The following UBA7 variants were observed in gnomAD, a reference collection of about 807,000 sequenced individuals.
UBA7 encodes the protein ubiquitin-like modifier-activating enzyme 7.
A neutral mutation model predicts 113.0 loss-of-function variants in UBA7; 88 were observed. The ratio of observed to expected loss-of-function variants is 0.78; its 90% CI spans 0.66 to 0.93. The LOEUF (loss-of-function observed/expected upper bound fraction) is 0.93. UBA7 is among the 40% of genes least tolerant of loss of function. The pLI is 0.00. For missense variants in UBA7, 1,092 were observed against 1,266.4 expected, an observed-to-expected ratio of 0.86 and a Z score of 2.09; for synonymous variants, 459 against 513.0, an observed-to-expected ratio of 0.89 and a Z score of 1.42.
In UBA7 at chr3:49,807,790, A is replaced by T. The variant is rs767085492; in HGVS notation, c.2661T>A (p.His887Gln). Residue 887 changes from histidine to glutamine, a missense_variant, in exon 21 of 24, where the codon CAT becomes CAA. Physicochemically the swap from His to Gln is conservative, Grantham distance 24 (BLOSUM62 0). Around this residue, in one of 3 missense-constraint regions of UBA7, gnomAD observed 500 missense variants for 529.3 expected, o/e 0.94. Transcript: ENST00000333486. This position sits in a 1 kb window ranked among gnomAD's most constrained non-coding sequence, Gnocchi z 4.0. ...PRSAFRHSYL[H>Q]LAENYLIRYM... Reference sequence around the variant, plus strand: ...AGCGGATGAGGTAGTTTTCAGCCAGATGTAGGTAGCTGTGGCGAAAGGCAC... The same window carrying T: ...AGCGGATGAGGTAGTTTTCAGCCAGTTGTAGGTAGCTGTGGCGAAAGGCAC... 6.2e-7 allele frequency: 1 copy of T among 1,613,982 alleles called. No individual in the cohort carries two copies. The highest frequency in any genetic ancestry group is 1.1e-5 in the South Asian group (1 of 91,058).
At position 49,811,007 on chromosome 3, in the gene UBA7, G is replaced by C. The variant is rs2081535815; in HGVS notation, c.1207C>G (p.Pro403Ala). The C allele has an allele frequency of 6.2e-7, 1 of 1,614,006 alleles. No homozygotes were observed. Among genetic ancestry groups the C allele is most frequent in the African/African-American group, 1.3e-5 (1 of 74,908 alleles). ...ACCAGGGCACAGTCCTCAGGACTGG[G>C]AAGGAGCTCCCCATCTTCCGGAAGA... Reference protein sequence around the residue: ...DCLPEDGELLPSPEDCALRGS... With the variant: ...DCLPEDGELLASPEDCALRGS... Residue 403 changes from proline (P) to alanine (A), a missense_variant, in exon 10 of 24, where the codon CCC becomes GCC. Coordinates refer to ENST00000333486, the MANE Select transcript of UBA7 (RefSeq NM_003335.3).
At position 49,812,148 on chromosome 3, in the gene UBA7, C is replaced by A. The variant is rs774469175; in HGVS notation, c.753G>T (p.Gly251=). ...TTTFSRYLRG[G]AITEVKRPKT... ...TGGGTCTCTTGACTTCAGTGATAGC[C>A]CCACCACGCAAGTACCGAGAGAAAG... The change falls in exon 7 of 24, where the codon GGG becomes GGT. Residue 251 remains glycine, a synonymous_variant. Transcript: ENST00000333486. 1.2e-6 allele frequency: 2 copies of A among 1,614,216 alleles called. No homozygotes were observed. The highest frequency in any genetic ancestry group is 1.7e-6 in the Non-Finnish European group (2 of 1,180,036).
chr3:49,811,978 C>T lies in UBA7; in HGVS notation c.831G>A (p.Val277=). ...LDTALLQPHV[V]AQSSQEVHHA... ...GGTGAACTTCCTGGGAGCTCTGGGCCACCACATGGGGCTGGAGCAGGGCTG... is the reference window on the plus strand; with the variant it reads ...GGTGAACTTCCTGGGAGCTCTGGGCTACCACATGGGGCTGGAGCAGGGCTG... Residue 277 remains valine (V), a synonymous_variant, in exon 8 of 24, where the codon GTG becomes GTA. Transcript: ENST00000333486. 4.3e-6 allele frequency: 7 copies of T among 1,614,170 alleles called. No individual in the cohort carries two copies. In the Middle Eastern group the frequency reaches 4.9e-4, roughly 114 times the overall value.
At position 49,813,824 on chromosome 3, in the gene UBA7, C is replaced by T; in HGVS notation, c.-37G>A. On this transcript the variant is annotated 5_prime_UTR_variant, in exon 1 of 24. Transcript: ENST00000333486. Reference sequence around the variant, plus strand: ...GGGCTGAACAGTAGGCTGCAGCGCTCAGAGATAGGGTCTTTGTGTAGGTGG... The same window carrying T: ...GGGCTGAACAGTAGGCTGCAGCGCTTAGAGATAGGGTCTTTGTGTAGGTGG... 6.2e-7 allele frequency: 1 copy of T among 1,612,718 alleles called. No homozygotes were observed. Among genetic ancestry groups the T allele is most frequent in the South Asian group, 1.1e-5 (1 of 90,810 alleles).
Position 49,805,413 on chromosome 3 carries a change from C to T in UBA7, c.2934G>A (p.Leu978=). Residue 978 remains leucine (L), a synonymous_variant, in exon 24 of 24, where the codon CTG becomes CTA. Transcript: ENST00000333486. Reference sequence around the variant, plus strand: ...GCCCAGGAGCAGGTGCCTGGCCTGTCAGCTGCTGAACCAGTTCTGTCACCC... The same window carrying T: ...GCCCAGGAGCAGGTGCCTGGCCTGTTAGCTGCTGAACCAGTTCTGTCACCC... ...PLRVTELVQQ[L]TGQAPAPGQR... The T allele has an allele frequency of 1.2e-6, 2 of 1,612,032 alleles. No individual in the cohort carries two copies. The highest frequency in any genetic ancestry group is 1.7e-6 in the Non-Finnish European group (2 of 1,179,552).
chr3:49,806,027 G>T, intron 22 of UBA7, 30 bp from the exon 23 acceptor site: 1 of 1,568,822 alleles, frequency 6.4e-7, no homozygotes, highest in South Asian at 1.2e-5. Context: ...CACCAGCTGG[G>T]CCGGGCTGGG....
Position 49,810,260 on chromosome 3 carries a change from C to CA in UBA7, c.1633+2dup. 6.2e-7 allele frequency: 1 copy of CA among 1,613,762 alleles called. No individual in the cohort carries two copies. Among genetic ancestry groups the CA allele is most frequent in the Non-Finnish European group, 8.5e-7 (1 of 1,179,902 alleles). On this transcript the variant is annotated splice_region_variant and intron_variant, in intron 13 of 23. Coordinates refer to ENST00000333486, the MANE Select transcript of UBA7 (RefSeq NM_003335.3). The surrounding 1 kb of genome is among the most constrained non-coding windows in gnomAD (Gnocchi z 5.6). The stretch of plus-strand genomic sequence containing the variant: ...GGACTGACCTCCGAAGTCAAGCACT[C>CA]ACGGGCCTGGAAACTGTCCAGGGCA...
rs372873010 is a variant in UBA7, at chr3:49,811,005, G to A, written c.1209C>T (p.Pro403=). The A allele has an allele frequency of 7.7e-5, 124 of 1,614,136 alleles. No homozygotes were observed. The highest frequency in any genetic ancestry group is 9.8e-5 in the Non-Finnish European group (116 of 1,180,008). Residue 403 remains proline (P), a synonymous_variant, in exon 10 of 24, where the codon CCC becomes CCT. Transcript: ENST00000333486. ...DCLPEDGELL[P]SPEDCALRGS... ...TCACCAGGGCACAGTCCTCAGGACT[G>A]GGAAGGAGCTCCCCATCTTCCGGAA... is the stretch of plus-strand genomic sequence containing the variant.
Position 49,807,827 on chromosome 3 carries a change from G to A in UBA7, c.2624C>T (p.Pro875Leu), listed in dbSNP as rs748266061. ...GTGGCGAAAGGCACTACGAGGCCGTGGCCCACTCACCACCTTATACAGCTC... is the reference window on the plus strand; with the variant it reads ...GTGGCGAAAGGCACTACGAGGCCGTAGCCCACTCACCACCTTATACAGCTC... ...GLELYKVVSG[P>L]RPRSAFRHSY... is the part of the protein sequence containing the mutation. The change falls in exon 21 of 24, where the codon CCA becomes CTA. Residue 875 changes from proline (P) to leucine (L), a missense_variant. Around this residue, in one of 3 missense-constraint regions of UBA7, gnomAD observed 500 missense variants for 529.3 expected, o/e 0.94. Coordinates refer to ENST00000333486, the MANE Select transcript of UBA7 (RefSeq NM_003335.3). The surrounding 1 kb of genome is among the most constrained non-coding windows in gnomAD (Gnocchi z 4.0). 1.2e-6 allele frequency: 2 copies of A among 1,614,158 alleles called. No homozygotes were observed. Among genetic ancestry groups the A allele is most frequent in the Non-Finnish European group, 1.7e-6 (2 of 1,180,008 alleles).
At position 49,809,155 on chromosome 3, in the gene UBA7, G is replaced by A. The variant is rs2081501505; in HGVS notation, c.2168C>T (p.Thr723Ile). 16 of 1,609,574 alleles carry A rather than the reference G, an allele frequency of 9.9e-6. No homozygotes were observed. The highest frequency in any genetic ancestry group is 1.3e-5 in the Non-Finnish European group (15 of 1,177,746). Reference sequence around the variant, plus strand: ...AGCTGCCAGTACGTAGAGGAGGTGTGTGTCCTGCAGCCAGACCAAGAGCAG... The same window carrying A: ...AGCTGCCAGTACGTAGAGGAGGTGTATGTCCTGCAGCCAGACCAAGAGCAG... The part of the protein sequence containing the change: ...QPLEFDTNQD[T>I]HLLYVLAAAN... Residue 723 changes from threonine (T) to isoleucine (I), a missense_variant, in exon 18 of 24, where the codon ACA becomes ATA. Coordinates refer to ENST00000333486, the MANE Select transcript of UBA7 (RefSeq NM_003335.3).
At position 49,805,935 on chromosome 3, in the gene UBA7, T is replaced by C. The variant is rs777547309; in HGVS notation, c.2871A>G (p.Gly957=). 14 of 1,561,052 alleles carry C rather than the reference T, an allele frequency of 9.0e-6. No homozygotes were observed. The highest frequency in any genetic ancestry group is 1.2e-5 in the Non-Finnish European group (14 of 1,152,428). ...GCTGGGCCTGCTTTTCAGGTGACCA[T>C]CCGGCCGCATAGAGCAGGGCTGAGC... ...LHGSALLYAA[G]WSPEKQAQHL... Residue 957 remains glycine, a synonymous_variant, in exon 23 of 24, where the codon GGA becomes GGG. Coordinates refer to ENST00000333486, the MANE Select transcript of UBA7 (RefSeq NM_003335.3).
chr3:49,809,527 C>G lies in UBA7; in HGVS notation c.2088+15G>C, dbSNP rs2081507737. The G allele has an allele frequency of 6.2e-7, 1 of 1,613,992 alleles. No individual in the cohort carries two copies. The highest frequency in any genetic ancestry group is 8.5e-7 in the Non-Finnish European group (1 of 1,179,894). On this transcript the variant is annotated intron_variant, in intron 16 of 23. Transcript: ENST00000333486. ...TCCCCCTGAGCCCCCAGCGTCCCAA[C>G]CCCTAGCCACACACTTTATTAGGTG...
chr3:49,812,346 C>G, intron 6 of UBA7, 62 bp downstream of exon 6: 5 of 1,611,918 alleles, frequency 3.1e-6, no homozygotes, highest in Non-Finnish European at 4.2e-6. Flanking sequence ...AAGGGCCAGG[C>G]TGTGCTCACT....
chr3:49,809,091 T>C lies in UBA7; in HGVS notation c.2232A>G (p.Ser744=). 6.2e-7 allele frequency: 1 copy of C among 1,613,646 alleles called. No homozygotes were observed. The highest frequency in any genetic ancestry group is 1.1e-5 in the South Asian group (1 of 90,962). Residue 744 remains serine, a synonymous_variant, in exon 18 of 24, where the codon TCA becomes TCG. Transcript: ENST00000333486. ...GCTCCCTGAGTGCAGTCCAGTCCTG[T>C]GAGCCAGGCAGCCCATGCATCTGGG... ...LYAQMHGLPG[S]QDWTALRELL...
At chr3:49,805,502 A>C in intron 23 of UBA7, 65 bp from the exon 24 acceptor site, 2 of 1,507,384 alleles carry the variant, frequency 1.3e-6, no homozygotes, top group Non-Finnish European at 1.8e-6. Context: ...GCAGCCTGGC[A>C]TGGACTAGAG....
At position 49,805,550 on chromosome 3, in the gene UBA7, C is replaced by T. The variant is rs895820616; in HGVS notation, c.2910-113G>A. On this transcript the variant is annotated intron_variant, in intron 23 of 23. Transcript: ENST00000333486. ...GGCCGTCAGGAGCCCAAGCCAGGAG[C>T]AGGAGCTGCTCAAGACAGGAAACAT... The T allele has an allele frequency of 6.1e-6, 6 of 984,188 alleles. No homozygotes were observed. The African/African-American group carries it at 9.6e-5, about 16-fold the overall frequency. The allele number at this position is 984,188 out of a possible 1,614,324, so 61.0% of individuals were successfully genotyped here.
chr3:49,806,864 G>A (rs1404386911), intron 21 of UBA7, among the ~76,000 whole-genome samples: 2 of 152,062 alleles, frequency 1.3e-5, no homozygotes, highest in African/African-American at 2.4e-5. Flanking sequence ...GTGGACAAAG[G>A]CAGCCTGTAT....
Position 49,807,870 on chromosome 3 carries a change from C to A in UBA7, c.2581G>T (p.Ala861Ser). ...TACAGCTCCAGGCCCAACAGGCCTG[C>A]CACAGCTGCTGTAGTGGTGGCAATG... ...PAIATTTAAVAGLLGLELYKV... is the reference protein window; with the variant it reads ...PAIATTTAAVSGLLGLELYKV... Residue 861 changes from alanine to serine, a missense_variant, in exon 21 of 24, where the codon GCA becomes TCA. By Grantham distance (99) the Ala-to-Ser change is moderately conservative. Coordinates refer to ENST00000333486, the MANE Select transcript of UBA7 (RefSeq NM_003335.3). This position sits in a 1 kb window ranked among gnomAD's most constrained non-coding sequence, Gnocchi z 4.0. 6.2e-7 allele frequency: 1 copy of A among 1,613,772 alleles called. No homozygotes were observed. Among genetic ancestry groups the A allele is most frequent in the South Asian group, 1.1e-5 (1 of 91,048 alleles).
Position 49,810,817 on chromosome 3 carries a change from C to T in UBA7, c.1246G>A (p.Asp416Asn). The change falls in exon 11 of 24, where the codon GAT becomes AAT. Residue 416 changes from aspartate to asparagine, a missense_variant. Physicochemically the swap from Asp to Asn is conservative, Grantham distance 23. Transcript: ENST00000333486. This position sits in a 1 kb window ranked among gnomAD's most constrained non-coding sequence, Gnocchi z 5.6. ...EDCALRGSRY[D>N]GQIAVFGAGF... Reference sequence around the variant, plus strand: ...GCCCCAAACACTGCAATTTGCCCATCATAGCGGCTGCCTCTCTAGGGGACA... The same window carrying T: ...GCCCCAAACACTGCAATTTGCCCATTATAGCGGCTGCCTCTCTAGGGGACA... 6.2e-7 allele frequency: 1 copy of T among 1,614,180 alleles called. No individual in the cohort carries two copies. Among genetic ancestry groups the T allele is most frequent in the South Asian group, 1.1e-5 (1 of 91,090 alleles).
Sources: allele counts gnomAD v4.1 joint callset (sites outside exome capture counted in the v4.1 genomes callset), GRCh38; gene constraint gnomAD v4.1.1; regional missense constraint gnomAD v4.1.1; non-coding constraint Gnocchi (gnomAD v3.1); transcripts MANE v1.5; gene names NCBI Gene and HGNC (gene_info 2026-07-23, HGNC 2026-07-21).